Variants in BUB1 observed in about 807,000 individuals in gnomAD.
BUB1 encodes BUB1 mitotic checkpoint serine/threonine kinase.
A neutral mutation model predicts 135.2 loss-of-function variants in BUB1; 84 were observed. The observed-to-expected ratio is 0.62, with a 90% CI of 0.52 to 0.74. BUB1 has a LOEUF of 0.74. Among genes scored for constraint, BUB1 ranks in the 30% least tolerant of loss-of-function variants. The pLI is 0.00. For missense variants in BUB1, 1,162 were observed against 1,288.3 expected, an observed-to-expected ratio of 0.90 and a Z score of 1.50; for synonymous variants, 403 against 434.4, an observed-to-expected ratio of 0.93 and a Z score of 0.90.
intron 4 of BUB1, 76 bp from the exon 5 acceptor site, chr2:110,670,644 CCA>C: frequency 1.4e-6 from 2 of 1,419,142 alleles, no homozygotes; most frequent in Non-Finnish European, 2.0e-6. Context: ...AAACTAAATA[CCA>C]TAGACAACTT....
At position 110,649,357 on chromosome 2, in the gene BUB1, A is replaced by G. The variant is rs769202464; in HGVS notation, c.2224T>C (p.Trp742Arg). The change falls in exon 19 of 25, where the codon TGG becomes CGG. Residue 742 changes from tryptophan to arginine, a missense_variant. Trp to Arg is a moderately radical substitution (Grantham distance 101). Transcript: ENST00000302759. ...AGTTTGAAAATCAGCTTATCATCCC[A>G]TGGGTTCCCAACAATGAAGTCTTAA... ...DAPNFIVGNP[W>R]DDKLIFKLLS... The G allele has an allele frequency of 1.9e-5, 31 of 1,602,758 alleles. No homozygotes were observed. The Admixed American group carries it at 5.1e-4, about 27-fold the overall frequency.
intron 19 of BUB1, among the ~76,000 whole-genome samples, chr2:110,644,058 C>CAAA (rs58393999): frequency 0.051 from 2,020 of 39,594 alleles, 159 homozygotes; most frequent in African/African-American, 0.16. Flanking sequence ...AACTGAAATG[C>CAAA]AAAAAAAAAA....
Position 110,639,807 on chromosome 2 carries a change from G to A in BUB1, c.2997C>T (p.Leu999=). The A allele has an allele frequency of 6.2e-7, 1 of 1,614,012 alleles. No individual in the cohort carries two copies. Among genetic ancestry groups the A allele is most frequent in the Non-Finnish European group, 8.5e-7 (1 of 1,179,988 alleles). Residue 999 remains leucine, a synonymous_variant, in exon 24 of 25, where the codon CTC becomes CTT. Coordinates refer to ENST00000302759, the MANE Select transcript of BUB1 (RefSeq NM_004336.5). Reference sequence around the variant, plus strand: ...TTTTCACTTTCATGTAAGTGCCAAAGAGCATGCAATATACTGTTGCAGCAA... The same window carrying A: ...TTTTCACTTTCATGTAAGTGCCAAAAAGCATGCAATATACTGTTGCAGCAA... ...FGVAATVYCM[L]FGTYMKVKNE...
At position 110,653,648 on chromosome 2, in the gene BUB1, T is replaced by C. The variant is rs796788467; in HGVS notation, c.1877-125A>G. ...ACTGACTTGCATTATGATTTCAAAA[T>C]AGTGTTCCATTGTAAAATGTATAAT... is the stretch of plus-strand genomic sequence containing the variant. On this transcript the variant is annotated intron_variant, in intron 16 of 24. Coordinates refer to ENST00000302759, the MANE Select transcript of BUB1 (RefSeq NM_004336.5). The C allele has an allele frequency of 9.3e-5, 70 of 754,316 alleles. No individual in the cohort carries two copies. The African/African-American group carries it at 1.1e-3, about 12-fold the overall frequency. The allele number at this position is 754,316 out of a possible 1,614,324, so 46.7% of individuals were successfully genotyped here.
In BUB1 at chr2:110,648,445, G is replaced by T. The variant is rs555815160; in HGVS notation, c.2347+789C>A. Among the ~76,000 whole-genome samples the T allele has an allele frequency of 3.5e-4, 53 of 152,244 alleles. No homozygotes were observed. Among genetic ancestry groups the T allele is most frequent in the South Asian group, 2.1e-3 (10 of 4,826 alleles). ...CAGGGGATTTTTAGGGTGAGGAAAT[G>T]ATTCTGTATGATACTGTAATGATGG... On this transcript the variant is annotated intron_variant, in intron 19 of 24. Coordinates refer to ENST00000302759, the MANE Select transcript of BUB1 (RefSeq NM_004336.5). The surrounding 1 kb of genome is among the most constrained non-coding windows in gnomAD (Gnocchi z 4.2).
chr2:110,650,306 A>T (rs1689750916), intron 18 of BUB1, among the ~76,000 whole-genome samples: 1 of 152,162 alleles, frequency 6.6e-6, no homozygotes, highest in South Asian at 2.1e-4. Context: ...GTAGGCTGTC[A>T]AATTCTAATT....
At chr2:110,666,588 A>T (rs1318518713) in intron 8 of BUB1, among the ~76,000 whole-genome samples, 174 bp from the exon 9 acceptor site, 1 of 151,696 alleles carries the variant, frequency 6.6e-6, no homozygotes, top group Admixed American at 6.6e-5. Flanking sequence ...ACCTGCCCAC[A>T]GCTTGGCTAC....
At chr2:110,659,007 T>C (rs1690009428) in intron 11 of BUB1, among the ~76,000 whole-genome samples, 1 of 152,198 alleles carries the variant, frequency 6.6e-6, no homozygotes, top group South Asian at 2.1e-4. Context: ...TTATACCAGA[T>C]TAGCAACTTT....
intron 9 of BUB1, among the ~76,000 whole-genome samples, chr2:110,664,686 C>T (rs141453866): frequency 6.7e-6 from 1 of 149,960 alleles, no homozygotes; most frequent in East Asian, 2.0e-4. Flanking sequence ...GGAAAGGAGC[C>T]AGGGAGAACA....
chr2:110,669,603 A>T (rs772307912), intron 5 of BUB1, 50 bp from the exon 6 acceptor site: 1 of 1,209,764 alleles, frequency 8.3e-7, no homozygotes, highest in Non-Finnish European at 1.2e-6. Context: ...GTAAAACCGT[A>T]AGTAAAATTA....
At chr2:110,665,137 A>G (rs1490569670) in intron 9 of BUB1, among the ~76,000 whole-genome samples, 1 of 152,234 alleles carries the variant, frequency 6.6e-6, no homozygotes, top group Non-Finnish European at 1.5e-5. Context: ...TATCTATGCA[A>G]TAGCAGTGAA....
rs1371599652 is a variant in BUB1 at position 110,658,411 on chromosome 2, T to C, written c.1515A>G (p.Gln505=). The C allele has an allele frequency of 3.1e-6, 5 of 1,608,668 alleles. No homozygotes were observed. The highest frequency in any genetic ancestry group is 3.4e-6 in the Non-Finnish European group (4 of 1,176,130). ...QNEDAFEAQF[Q]KNVRSSGAWG... ...TAGTAGCTTTTAAATAGTTATTACTTTGAAACTGGGCTTCAAATGCATCTT... is the reference window on the plus strand; with the variant it reads ...TAGTAGCTTTTAAATAGTTATTACTCTGAAACTGGGCTTCAAATGCATCTT... The change falls in exon 13 of 25, where the codon CAA becomes CAG. Residue 505 remains glutamine, a splice_region_variant and synonymous_variant. Transcript: ENST00000302759.
chr2:110,658,332 C>G (rs1689987558), intron 13 of BUB1, 78 bp downstream of exon 13: 5 of 1,216,052 alleles, frequency 4.1e-6, no homozygotes, highest in Non-Finnish European at 4.6e-6. Flanking sequence ...GCAGGGTCAC[C>G]TCTTAAATAA....
chr2:110,667,330 C>T (rs556646674), intron 8 of BUB1, among the ~76,000 whole-genome samples, 191 bp downstream of exon 8: 1 of 152,208 alleles, frequency 6.6e-6, no homozygotes, highest in East Asian at 1.9e-4. Flanking sequence ...GTGCAGCTTG[C>T]TGCCAGCGCA....
chr2:110,658,376 G>A (rs1689988389), intron 13 of BUB1, 34 bp downstream of exon 13: 1 of 1,527,558 alleles, frequency 6.5e-7, no homozygotes, highest in African/African-American at 1.4e-5. Context: ...CACCTATAAT[G>A]CTATGCACTT....
intron 24 of BUB1, among the ~76,000 whole-genome samples, chr2:110,639,106 C>A (rs368884931): frequency 2.0e-5 from 3 of 152,084 alleles, no homozygotes; most frequent in African/African-American, 4.8e-5. Flanking sequence ...AATGAATATG[C>A]AGGTACCAAA....
chr2:110,645,221 G>A (rs1309431616), intron 19 of BUB1, among the ~76,000 whole-genome samples: 2 of 152,076 alleles, frequency 1.3e-5, no homozygotes, highest in East Asian at 3.8e-4. Context: ...ATCACCTGAG[G>A]TCAGGAGTTT....
chr2:110,664,130 T>C (rs1283437635), intron 9 of BUB1, among the ~76,000 whole-genome samples: 2 of 149,510 alleles, frequency 1.3e-5, no homozygotes, highest in Admixed American at 6.6e-5. Flanking sequence ...AATGGTGAAA[T>C]TTAAGAAAAT....
chr2:110,645,611 G>GTT (rs1574316680), intron 19 of BUB1, among the ~76,000 whole-genome samples: 3 of 151,914 alleles, frequency 2.0e-5, no homozygotes, highest in African/African-American at 7.3e-5. Context: ...GTGTGTGTGT[G>GTT]TAAGACAAGG....
Sources: gnomAD v4.1 joint callset for allele counts (sites outside exome capture counted in the v4.1 genomes callset) on GRCh38, gnomAD v4.1.1 for gene constraint, Gnocchi (gnomAD v3.1) non-coding constraint, MANE v1.5 for transcripts, NCBI Gene and HGNC (gene_info 2026-07-23, HGNC 2026-07-21) for gene names.